Variants in NLGN1 observed in about 807,000 individuals in gnomAD.
NLGN1 encodes neuroligin 1.
A neutral mutation model predicts 65.5 loss-of-function variants in NLGN1; 12 were observed. That is an observed-to-expected ratio of 0.18 (90% CI 0.12 to 0.30). The LOEUF (loss-of-function observed/expected upper bound fraction) is 0.30, where lower values mean the gene tolerates loss of function less well. NLGN1 is among the 10% of genes least tolerant of loss of function. The probability of loss-of-function intolerance (pLI) is 1.00; values close to 1 mark genes in which losing one functional copy is unlikely to be tolerated. For missense variants in NLGN1, 750 were observed against 1,007.1 expected (o/e 0.74, Z 3.46); for synonymous variants, 350 against 359.5 (o/e 0.97, Z 0.30).
At chr3:174,043,022 T>G (rs1732705074) in intron 4 of NLGN1, among the ~76,000 whole-genome samples, 2 of 152,174 alleles carry the variant, frequency 1.3e-5, no homozygotes, top group Admixed American at 1.3e-4. Flanking sequence ...AAGCACCTCG[T>G]CACAGGATGG....
chr3:174,287,826 G>A (rs1448034648), downstream of NLGN1, among the ~76,000 whole-genome samples: 2 of 151,464 alleles, frequency 1.3e-5, no homozygotes, highest in East Asian at 3.9e-4. Context: ...AGGGGGTAAA[G>A]TTGTGCTGAA....
intron 3 of NLGN1, among the ~76,000 whole-genome samples, chr3:173,745,466 G>A (rs1775219776): frequency 6.7e-6 from 1 of 150,160 alleles, no homozygotes; most frequent in Non-Finnish European, 1.5e-5. Context: ...TACATCTAAA[G>A]CTTTTTTTTA....
At chr3:173,819,392 A>G (rs1305968574) in intron 4 of NLGN1, among the ~76,000 whole-genome samples, 1 of 152,096 alleles carries the variant, frequency 6.6e-6, no homozygotes, top group Admixed American at 6.5e-5. Flanking sequence ...TGACTCTCGG[A>G]TCCATTCCAC....
chr3:173,396,982 T>TA (rs1397628396), upstream of NLGN1, among the ~76,000 whole-genome samples: 2 of 152,144 alleles, frequency 1.3e-5, no homozygotes, highest in East Asian at 3.9e-4. Context: ...GTGTCCTTTA[T>TA]AAAAAATAAT....
At chr3:174,011,839 GA>G (rs1454514341) in intron 4 of NLGN1, among the ~76,000 whole-genome samples, 2 of 150,132 alleles carry the variant, frequency 1.3e-5, no homozygotes, top group Non-Finnish European at 1.5e-5. Flanking sequence ...CAAAACCTAA[GA>G]AAAAACCTTC....
intron 4 of NLGN1, among the ~76,000 whole-genome samples, chr3:174,013,988 T>A (rs1215066198): frequency 6.6e-6 from 1 of 152,128 alleles, no homozygotes; most frequent in Non-Finnish European, 1.5e-5. Context: ...GTGCTAGGAT[T>A]ATAGGCATGA....
intron 4 of NLGN1, among the ~76,000 whole-genome samples, chr3:173,837,340 T>G (rs959919396): frequency 1.1e-4 from 17 of 152,260 alleles, no homozygotes; most frequent in African/African-American, 4.1e-4. Flanking sequence ...TTTCATTAAT[T>G]TAAAAGTGTA....
intron 4 of NLGN1, among the ~76,000 whole-genome samples, chr3:174,121,679 A>AT (rs1717806790): frequency 1.3e-5 from 2 of 152,272 alleles, no homozygotes; most frequent in South Asian, 4.2e-4. Context: ...TCATCACTGA[A>AT]TTTTTTATCA....
intron 4 of NLGN1, among the ~76,000 whole-genome samples, chr3:174,156,792 T>G (rs77252946): frequency 0.14 from 21,201 of 151,544 alleles, 1,755 homozygotes; most frequent in Non-Finnish European, 0.19. Context: ...AACAAAACAT[T>G]ATCAAAAATA....
At chr3:173,469,001 AT>A (rs1724854605) in intron 2 of NLGN1, among the ~76,000 whole-genome samples, 1 of 152,110 alleles carries the variant, frequency 6.6e-6, no homozygotes, top group African/African-American at 2.4e-5. Context: ...TGGTCTTCAT[AT>A]GAAAAACAAG....
intron 4 of NLGN1, among the ~76,000 whole-genome samples, chr3:173,988,009 T>C (rs965236786): frequency 3.6e-4 from 55 of 152,200 alleles, no homozygotes; most frequent in African/African-American, 1.2e-3. Context: ...AATATAAAGA[T>C]GCATAGCTAC....
intron 2 of NLGN1, among the ~76,000 whole-genome samples, chr3:173,443,242 CA>C (rs560005509): frequency 3.5e-5 from 5 of 143,818 alleles, no homozygotes; most frequent in East Asian, 4.0e-4. Flanking sequence ...ACCCTGTCTC[CA>C]AAAAAAAAGA....
At chr3:174,140,366 C>A (rs1722056819) in intron 4 of NLGN1, among the ~76,000 whole-genome samples, 1 of 151,912 alleles carries the variant, frequency 6.6e-6, no homozygotes, top group Non-Finnish European at 1.5e-5. Flanking sequence ...ATAAATTAAT[C>A]TTTATTCTTA....
intron 2 of NLGN1, among the ~76,000 whole-genome samples, chr3:173,447,123 T>A (rs372128347): frequency 3.9e-5 from 6 of 152,208 alleles, no homozygotes; most frequent in African/African-American, 7.2e-5. Context: ...GGTGTTTTAG[T>A]CATGAAGTCC....
intron 2 of NLGN1, among the ~76,000 whole-genome samples, chr3:173,524,116 C>A (rs923910468): frequency 6.6e-6 from 1 of 150,906 alleles, no homozygotes; most frequent in South Asian, 2.1e-4. Context: ...TTAGTAGACA[C>A]GGGGTTTCAC....
intron 3 of NLGN1, among the ~76,000 whole-genome samples, chr3:173,798,248 A>G (rs1271047891): frequency 6.6e-6 from 1 of 152,188 alleles, no homozygotes; most frequent in Admixed American, 6.5e-5. Context: ...TGGTTTTGGC[A>G]GCAATAAATG....
At position 174,279,168 on chromosome 3, in the gene NLGN1, A is replaced by C; in HGVS notation, c.1167A>C (p.Gln389His). The stretch of plus-strand genomic sequence containing the variant: ...ATGATATAATGTTAGGAGTGAACCA[A>C]GGGGAAGGGTTAAAATTTGTTGAAA... The change falls in exon 6 of 7, where the codon CAA becomes CAC. Residue 389 changes from glutamine to histidine, a missense_variant. By Grantham distance (24) the Gln-to-His change is conservative (BLOSUM62 0). Coordinates refer to ENST00000457714, the Ensembl canonical transcript of NLGN1. The surrounding 1 kb of genome is among the most constrained non-coding windows in gnomAD (Gnocchi z 4.7). 6.2e-7 allele frequency: 1 copy of C among 1,613,380 alleles called. No individual in the cohort carries two copies. Among genetic ancestry groups the C allele is most frequent in the Non-Finnish European group, 8.5e-7 (1 of 1,179,532 alleles).
chr3:173,443,680 A>G (rs1382425407), intron 2 of NLGN1, among the ~76,000 whole-genome samples: 2 of 152,184 alleles, frequency 1.3e-5, no homozygotes, highest in African/African-American at 4.8e-5. Context: ...AGGAAGAAAA[A>G]CGTGTAAACA....
chr3:174,029,754 T>C (rs1729565771), intron 4 of NLGN1, among the ~76,000 whole-genome samples: 2 of 152,126 alleles, frequency 1.3e-5, no homozygotes, highest in Admixed American at 1.3e-4. Context: ...ATGGGAGTGG[T>C]TTCCCCCATG....
Sources: allele counts gnomAD v4.1 joint callset (sites outside exome capture counted in the v4.1 genomes callset), GRCh38; gene constraint gnomAD v4.1.1; non-coding constraint Gnocchi (gnomAD v3.1); transcripts MANE v1.5; gene names NCBI Gene and HGNC (gene_info 2026-07-23, HGNC 2026-07-21).